GATAD1: variants seen among roughly 807,000 people sequenced by gnomAD.
GATAD1 encodes GATA zinc finger domain containing 1, also known as GATA zinc finger domain-containing protein 1.
Under a neutral mutation model 26.5 loss-of-function variants are expected in GATAD1, and 12 were observed. The ratio of observed to expected loss-of-function variants is 0.45; its 90% CI spans 0.29 to 0.73. The LOEUF (loss-of-function observed/expected upper bound fraction) is 0.73, where lower values mean the gene tolerates loss of function less well. GATAD1 is among the 30% of genes least tolerant of loss of function. The pLI, the probability that GATAD1 is intolerant of heterozygous loss-of-function variation, is 0.10. For missense variants in GATAD1, 266 were observed against 342.1 expected, an observed-to-expected ratio of 0.78 and a Z score of 1.75; for synonymous variants, 129 against 133.1, an observed-to-expected ratio of 0.97 and a Z score of 0.21.
chr7:92,473,496 C>G, the GATAD1 span, among the ~76,000 whole-genome samples: 1 of 151,960 alleles, frequency 6.6e-6, no homozygotes, highest in Non-Finnish European at 1.5e-5. Context: ...TTCTGTTGCC[C>G]AGACTTCAGG....
chr7:92,456,576 A>G lies in GATAD1; in HGVS notation c.*14A>G. The G allele has an allele frequency of 6.3e-7, 1 of 1,592,220 alleles. No homozygotes were observed. Among genetic ancestry groups the G allele is most frequent in the South Asian group, 1.1e-5 (1 of 89,458 alleles). On this transcript the variant is annotated 3_prime_UTR_variant, in exon 5 of 5. Coordinates refer to ENST00000287957, the MANE Select transcript of GATAD1 (RefSeq NM_021167.5). ...AACCATTTGTAGTTCACAAATTAAA[A>G]CTGGGTTTCCAGGCCTGGTGTGGTG...
the GATAD1 span, among the ~76,000 whole-genome samples, chr7:92,484,800 T>C: frequency 6.6e-6 from 1 of 152,116 alleles, no homozygotes; most frequent in African/African-American, 2.4e-5. Context: ...AGGGGACTGG[T>C]CTCCTGAAGG....
chr7:92,453,116 A>C (rs1403159120), intron 3 of GATAD1, among the ~76,000 whole-genome samples: 2 of 152,200 alleles, frequency 1.3e-5, no homozygotes, highest in African/African-American at 4.8e-5. Flanking sequence ...GTCCACCAGG[A>C]AAAAACTCCT....
downstream of GATAD1, among the ~76,000 whole-genome samples, chr7:92,462,387 C>T (rs1201483859): frequency 6.8e-6 from 1 of 147,506 alleles, no homozygotes; most frequent in Non-Finnish European, 1.5e-5. Context: ...AAAACAAAAA[C>T]ACACACATAT....
intron 3 of GATAD1, among the ~76,000 whole-genome samples, chr7:92,452,826 T>C (rs529069935): frequency 1.3e-5 from 2 of 152,374 alleles, no homozygotes; most frequent in Admixed American, 1.3e-4. Context: ...TTTGGATTCA[T>C]ATTCATTCAG....
At chr7:92,491,420 G>T in the GATAD1 span, 1 of 1,613,666 alleles carries the variant, frequency 6.2e-7, no homozygotes, top group Non-Finnish European at 8.5e-7. Context: ...TCCATCTCCA[G>T]CTGAATCGTC....
At chr7:92,451,044 A>G (rs1227045813) in intron 3 of GATAD1, among the ~76,000 whole-genome samples, 2 of 152,096 alleles carry the variant, frequency 1.3e-5, no homozygotes, top group Non-Finnish European at 2.9e-5. Flanking sequence ...TGCTGATTGT[A>G]TAGTGTGGAG....
chr7:92,484,748 C>T, the GATAD1 span, among the ~76,000 whole-genome samples: 1 of 152,064 alleles, frequency 6.6e-6, no homozygotes, highest in African/African-American at 2.4e-5. Context: ...TCTGAGGACC[C>T]AAGGTTGTAG....
chr7:92,456,367 TC>T lies in GATAD1; in HGVS notation c.620-3del. The T allele has an allele frequency of 1.3e-6, 2 of 1,595,594 alleles. No homozygotes were observed. Among genetic ancestry groups the T allele is most frequent in the South Asian group, 1.1e-5 (1 of 89,696 alleles). ...TATTTAACCTTTCCCTTGGCTGCCT[TC>T]CAGGGCCAGAGGAAGATCTTCCAAG... On this transcript the variant is annotated splice_region_variant and splice_polypyrimidine_tract_variant and intron_variant, in intron 4 of 4. Coordinates refer to ENST00000287957, the MANE Select transcript of GATAD1 (RefSeq NM_021167.5).
At chr7:92,482,956 C>T in the GATAD1 span, among the ~76,000 whole-genome samples, 24 of 152,256 alleles carry the variant, frequency 1.6e-4, no homozygotes, top group African/African-American at 4.8e-4. Context: ...ATCGATTAAA[C>T]AGGGGATGGA....
chr7:92,469,295 C>T, the GATAD1 span: 22 of 764,320 alleles, frequency 2.9e-5, no homozygotes, highest in African/African-American at 2.0e-4. Flanking sequence ...ACCAGGGAGT[C>T]GGCGACCCGT....
the GATAD1 span, chr7:92,494,264 GTT>G: frequency 1.3e-6 from 2 of 1,511,886 alleles, no homozygotes; most frequent in Non-Finnish European, 1.8e-6. Flanking sequence ...CATTTGTTGG[GTT>G]TTGGACTCTA....
intron 2 of GATAD1, chr7:92,450,113 A>C (rs1010754732): frequency 1.3e-5 from 2 of 152,386 alleles, no homozygotes; most frequent in Non-Finnish European, 2.9e-5. Context: ...GGTACTAAGC[A>C]AGACACATCT....
intron 2 of GATAD1, chr7:92,450,321 CT>C: frequency 5.9e-6 from 1 of 168,366 alleles, no homozygotes; most frequent in Non-Finnish European, 1.3e-5. Context: ...TGAGGAGACA[CT>C]TTTTCACTTT....
the GATAD1 span, chr7:92,494,739 T>C: frequency 1.5e-6 from 1 of 653,744 alleles, no homozygotes. Flanking sequence ...TATATTTATA[T>C]ACTTCTTTTA....
the GATAD1 span, chr7:92,468,829 G>C: frequency 1.3e-6 from 1 of 764,050 alleles, no homozygotes; most frequent in African/African-American, 1.7e-5. Flanking sequence ...CTCAGGAGGG[G>C]TGCCTTTGAT....
the GATAD1 span, among the ~76,000 whole-genome samples, chr7:92,480,993 G>A: frequency 1.3e-5 from 2 of 152,198 alleles, no homozygotes; most frequent in Non-Finnish European, 2.9e-5. Context: ...TTGACGTGTA[G>A]TCCCTTTGCA....
the GATAD1 span, chr7:92,477,248 G>A: frequency 6.6e-6 from 1 of 152,282 alleles, no homozygotes; most frequent in Admixed American, 6.5e-5. Flanking sequence ...TCCCCAGATA[G>A]CCTCACACCT....
At chr7:92,462,667 A>G (rs1468299197), downstream of GATAD1, among the ~76,000 whole-genome samples, 2 of 152,222 alleles carry the variant, frequency 1.3e-5, no homozygotes, top group African/African-American at 4.8e-5. Flanking sequence ...CCCCAAGGCA[A>G]TGGTATTAGG....
Sources: gnomAD v4.1 joint callset for allele counts (sites outside exome capture counted in the v4.1 genomes callset) on GRCh38, gnomAD v4.1.1 for gene constraint, MANE v1.5 for transcripts, NCBI Gene and HGNC (gene_info 2026-07-23, HGNC 2026-07-21) for gene names.